The following BMP3 variants were observed in gnomAD, a reference collection of about 807,000 sequenced individuals.
The protein encoded by BMP3 is bone morphogenetic protein 3 (osteogenic).
BMP3 carries 23 observed loss-of-function variants against 38.1 expected under a neutral mutation model. The observed-to-expected ratio is 0.60, with a 90% CI of 0.43 to 0.86. BMP3 has a LOEUF of 0.86. Among genes scored for constraint, BMP3 ranks in the 40% least tolerant of loss-of-function variants. BMP3 has a pLI of 0.00. For synonymous variants in BMP3, 258 were observed against 225.7 expected (o/e 1.14, Z -1.28); for missense variants, 628 against 579.6 (o/e 1.08, Z -0.86).
At chr4:81,049,805 C>T (rs1367563326) in intron 2 of BMP3, among the ~76,000 whole-genome samples, 1 of 152,138 alleles carries the variant, frequency 6.6e-6, no homozygotes, top group African/African-American at 2.4e-5. Context: ...GTCTAAGCAA[C>T]AGAGGAGAAT....
intron 1 of BMP3, among the ~76,000 whole-genome samples, chr4:81,031,868 C>G (rs931270714): frequency 6.6e-6 from 1 of 152,022 alleles, no homozygotes; most frequent in Non-Finnish European, 1.5e-5. Flanking sequence ...GGAGGAGCTT[C>G]GTGGAAAAAG....
intron 2 of BMP3, among the ~76,000 whole-genome samples, chr4:81,050,650 T>G (rs1190045353): frequency 6.6e-6 from 1 of 152,138 alleles, no homozygotes; most frequent in Non-Finnish European, 1.5e-5. Context: ...TTCAAAATGA[T>G]ACAACCTCAA....
At chr4:81,044,199 T>G (rs1158695024) in intron 1 of BMP3, among the ~76,000 whole-genome samples, 1 of 152,180 alleles carries the variant, frequency 6.6e-6, no homozygotes, top group Non-Finnish European at 1.5e-5. Context: ...GATAAAAAGC[T>G]ATTACAATAC....
chr4:81,032,651 G>A (rs1739811619), intron 1 of BMP3, among the ~76,000 whole-genome samples: 2 of 152,240 alleles, frequency 1.3e-5, no homozygotes, highest in Admixed American at 1.3e-4. Context: ...CCATGCCTCA[G>A]TCAATACTGT....
chr4:81,049,104 G>A (rs1432911338), intron 2 of BMP3, among the ~76,000 whole-genome samples: 1 of 152,022 alleles, frequency 6.6e-6, no homozygotes, highest in Non-Finnish European at 1.5e-5. Context: ...CAAAAACAGT[G>A]GAAAAATGAG....
chr4:81,037,390 C>A, intron 1 of BMP3: 1 of 251,450 alleles, frequency 4.0e-6, no homozygotes, highest in Non-Finnish European at 8.2e-6. Context: ...TTTTCTATTA[C>A]CTAAAGCTAA....
At chr4:81,039,613 G>T (rs1196444759) in intron 1 of BMP3, among the ~76,000 whole-genome samples, 1 of 152,148 alleles carries the variant, frequency 6.6e-6, no homozygotes, top group African/African-American at 2.4e-5. Context: ...GATAAAAACA[G>T]AAATAAATCT....
chr4:81,031,608 C>G lies in BMP3; in HGVS notation c.316+8C>G. 1 of 1,575,352 alleles carries G rather than the reference C, an allele frequency of 6.3e-7. No homozygotes were observed. Among genetic ancestry groups the G allele is most frequent in the Non-Finnish European group, 8.6e-7 (1 of 1,163,002 alleles). ...TTCGGGCGGCAGCAGCAGGTGAGTG[C>G]GCGAGGTGAGACTCCCTTCCCGCGG... is the stretch of plus-strand genomic sequence containing the variant. On this transcript the variant is annotated splice_region_variant and intron_variant, in intron 1 of 2. Coordinates refer to ENST00000282701, the MANE Select transcript of BMP3 (RefSeq NM_001201.5).
chr4:81,037,349 C>A, intron 1 of BMP3: 1 of 225,392 alleles, frequency 4.4e-6, no homozygotes, highest in South Asian at 5.7e-5. Context: ...AAATGGTTTT[C>A]AAGTAGAGAA....
chr4:81,047,927 C>T (rs1290886035), intron 2 of BMP3, among the ~76,000 whole-genome samples: 1 of 116,774 alleles, frequency 8.6e-6, no homozygotes, highest in African/African-American at 3.3e-5. Context: ...AGTGAGACAG[C>T]GAGACCCTGA....
At chr4:81,040,754 C>A (rs1165285926) in intron 1 of BMP3, among the ~76,000 whole-genome samples, 1 of 152,132 alleles carries the variant, frequency 6.6e-6, no homozygotes, top group Non-Finnish European at 1.5e-5. Context: ...GCATGCAATT[C>A]CAGATATATT....
intron 1 of BMP3, among the ~76,000 whole-genome samples, chr4:81,044,301 C>T (rs776100767): frequency 2.0e-5 from 3 of 152,192 alleles, no homozygotes; most frequent in Non-Finnish European, 4.4e-5. Flanking sequence ...AATTTTCACA[C>T]ATTTATGGTG....
intron 1 of BMP3, among the ~76,000 whole-genome samples, chr4:81,036,288 C>T (rs114252419): frequency 6.6e-6 from 1 of 151,914 alleles, no homozygotes; most frequent in Admixed American, 6.6e-5. Flanking sequence ...GACACATTTA[C>T]TTAAGATGTC....
intron 1 of BMP3, among the ~76,000 whole-genome samples, chr4:81,044,383 A>T (rs1207631285): frequency 6.6e-6 from 1 of 152,172 alleles, no homozygotes; most frequent in Admixed American, 6.5e-5. Context: ...TTTTAAAATT[A>T]TTCCTGTTTA....
At chr4:81,042,778 T>C (rs1740114517) in intron 1 of BMP3, among the ~76,000 whole-genome samples, 1 of 152,242 alleles carries the variant, frequency 6.6e-6, no homozygotes, top group Non-Finnish European at 1.5e-5. Flanking sequence ...TGGCAACCAT[T>C]GGATTGCCAC....
At chr4:81,051,851 G>T (rs917162265) in intron 2 of BMP3, among the ~76,000 whole-genome samples, 2 of 151,490 alleles carry the variant, frequency 1.3e-5, no homozygotes, top group Non-Finnish European at 3.0e-5. Context: ...GGAAAAAAAA[G>T]TAAGAACAGT....
intron 1 of BMP3, among the ~76,000 whole-genome samples, chr4:81,044,661 C>G (rs765313803): frequency 7.9e-5 from 12 of 152,182 alleles, no homozygotes; most frequent in African/African-American, 2.9e-4. Flanking sequence ...TGGCAAACAC[C>G]GATCTGATTC....
Position 81,045,862 on chromosome 4 carries a change from A to G in BMP3, c.441A>G (p.Pro147=), listed in dbSNP as rs1313093741. 1 of 1,614,130 alleles carries G rather than the reference A, an allele frequency of 6.2e-7. No homozygotes were observed. The highest frequency in any genetic ancestry group is 1.1e-5 in the South Asian group (1 of 91,088). ...GELGNISLSC[P]VSGGCSHHAQ... ...TAGGAAACATCAGCCTGAGTTGTCC[A>G]GTGTCTGGAGGATGCTCCCATCATG... Residue 147 remains proline (P), a synonymous_variant, in exon 2 of 3, where the codon CCA becomes CCG. Transcript: ENST00000282701.
chr4:81,031,700 C>T, intron 1 of BMP3, 100 bp downstream of exon 1: 1 of 1,363,080 alleles, frequency 7.3e-7, no homozygotes, highest in Non-Finnish European at 9.7e-7. Context: ...GGTGGCGCTG[C>T]CTAGGGACCT....
Sources: gnomAD v4.1 joint callset for allele counts (sites outside exome capture counted in the v4.1 genomes callset) on GRCh38, gnomAD v4.1.1 for gene constraint, MANE v1.5 for transcripts, NCBI Gene and HGNC (gene_info 2026-07-23, HGNC 2026-07-21) for gene names.